PCDHGB6: variants seen among roughly 807,000 people sequenced by gnomAD.
PCDHGB6 encodes the protein protocadherin gamma subfamily B, 6.
PCDHGB6 carries 51 observed loss-of-function variants against 59.1 expected under a neutral mutation model. The ratio of observed to expected loss-of-function variants is 0.86; its 90% CI spans 0.69 to 1.09. The LOEUF is 1.09. PCDHGB6 is among the 50% of genes least tolerant of loss of function. The pLI is 0.00. For missense variants in PCDHGB6, 1,148 were observed against 1,205.1 expected (o/e 0.95, Z 0.70); for synonymous variants, 466 against 495.1 (o/e 0.94, Z 0.78).
At chr5:141,495,896 CTCTG>C (rs1175207502) in intron 2 of PCDHGB6, among the ~76,000 whole-genome samples, 2 of 152,108 alleles carry the variant, frequency 1.3e-5, no homozygotes, top group Non-Finnish European at 2.9e-5. Flanking sequence ...CTCTCTTTGT[CTCTG>C]TCTCTGTATA....
intron 1 of PCDHGB6, among the ~76,000 whole-genome samples, chr5:141,462,877 T>G (rs1387501705): frequency 1.3e-5 from 2 of 152,240 alleles, no homozygotes; most frequent in African/African-American, 4.8e-5. Flanking sequence ...CTTTAAGAAC[T>G]ATTGCAGTTT....
chr5:141,490,476 G>A lies in PCDHGB6; in HGVS notation c.2419-4331G>A. 1 of 1,614,208 alleles carries A rather than the reference G, an allele frequency of 6.2e-7. No homozygotes were observed. The highest frequency in any genetic ancestry group is 8.5e-7 in the Non-Finnish European group (1 of 1,180,046). On this transcript the variant is annotated intron_variant, in intron 1 of 3. Transcript: ENST00000520790. The surrounding 1 kb of genome is among the most constrained non-coding windows in gnomAD (Gnocchi z 5.4). ...ACTCGCTGCTAACCAGCCAGCCTTT[G>A]GACCGGGAGGCCACATCCCACTATA...
At chr5:141,427,584 A>G in intron 1 of PCDHGB6, 1 of 674,672 alleles carries the variant, frequency 1.5e-6, no homozygotes, top group Non-Finnish European at 2.7e-6. Context: ...CTCATCCAGC[A>G]CAAGCCTCAC....
At chr5:141,463,581 T>TG (rs2099064477) in intron 1 of PCDHGB6, among the ~76,000 whole-genome samples, 1 of 151,502 alleles carries the variant, frequency 6.6e-6, no homozygotes, top group Non-Finnish European at 1.5e-5. Context: ...CCCGAGTAGC[T>TG]GGGACTACAG....
intron 1 of PCDHGB6, among the ~76,000 whole-genome samples, chr5:141,438,637 C>G (rs11958903): frequency 3.2e-5 from 1 of 30,940 alleles, no homozygotes. Context: ...TATATATATA[C>G]ACACACACAC....
Position 141,463,438 on chromosome 5 carries a change from CTTTTTTTTT to C in PCDHGB6, c.2419-31349_2419-31341del, listed in dbSNP as rs71576115. 5.5e-3 allele frequency among the ~76,000 whole-genome samples: 572 copies of C among 103,208 alleles called. 4 individuals carry two copies. The highest frequency in any genetic ancestry group is 8.7e-3 in the Non-Finnish European group (462 of 53,292). The allele number at this position is 103,208 out of a possible 152,430, so 67.7% of individuals were successfully genotyped here. On this transcript the variant is annotated intron_variant, in intron 1 of 3. Transcript: ENST00000520790. ...GTTTGCGGATCCTCATTTCCTTCTC[CTTTTTTTTT>C]TTTTTTTTTTTTTTTTTTTGAGATG...
chr5:141,419,334 T>C (rs1260087339), intron 1 of PCDHGB6: 3 of 1,613,870 alleles, frequency 1.9e-6, no homozygotes, highest in Non-Finnish European at 8.5e-7. Flanking sequence ...TACTCTCTCA[T>C]TGCCAGCGAC....
chr5:141,472,164 G>C (rs2099273083), intron 1 of PCDHGB6, among the ~76,000 whole-genome samples: 1 of 152,158 alleles, frequency 6.6e-6, no homozygotes, highest in Non-Finnish European at 1.5e-5. Flanking sequence ...TAGCTACTAG[G>C]TGTAATATCC....
chr5:141,487,314 A>G lies in PCDHGB6; in HGVS notation c.2419-7493A>G. ...GGCTCATTCGTGGCACTACTCTCTAAGTGTCTTCGTGGGGCAGCCTGTGGA... is the reference window on the plus strand; with the variant it reads ...GGCTCATTCGTGGCACTACTCTCTAGGTGTCTTCGTGGGGCAGCCTGTGGA... On this transcript the variant is annotated intron_variant, in intron 1 of 3. Transcript: ENST00000520790. The surrounding 1 kb of genome is among the most constrained non-coding windows in gnomAD (Gnocchi z 5.0). The G allele has an allele frequency of 6.2e-7, 1 of 1,614,002 alleles. No individual in the cohort carries two copies. Among genetic ancestry groups the G allele is most frequent in the African/African-American group, 1.3e-5 (1 of 74,994 alleles).
At position 141,448,827 on chromosome 5, in the gene PCDHGB6, C is replaced by T. The variant is rs540550537; in HGVS notation, c.2418+38207C>T. ...AGGCGTGATGGCGGGCGCCTGTAGT[C>T]CCAGCTACTCTGGAGGCTGAGGCAG... On this transcript the variant is annotated intron_variant, in intron 1 of 3. Transcript: ENST00000520790. Among the ~76,000 whole-genome samples the T allele has an allele frequency of 1.6e-4, 25 of 152,108 alleles. No homozygotes were observed. In the South Asian group the frequency reaches 4.2e-3, roughly 25 times the overall value.
chr5:141,455,149 TTA>T (rs537241375), intron 1 of PCDHGB6, among the ~76,000 whole-genome samples: 1 of 148,248 alleles, frequency 6.7e-6, no homozygotes, highest in Non-Finnish European at 1.5e-5. Context: ...TAAATAAATA[TTA>T]GTTTGTTGGT....
chr5:141,422,546 G>T, intron 1 of PCDHGB6: 2 of 1,613,972 alleles, frequency 1.2e-6, no homozygotes, highest in South Asian at 2.2e-5. Flanking sequence ...ACTCATGTCT[G>T]GCTGAATGTG....
At chr5:141,500,026 T>G (rs1297397353) in intron 2 of PCDHGB6, among the ~76,000 whole-genome samples, 1 of 151,974 alleles carries the variant, frequency 6.6e-6, no homozygotes, top group Non-Finnish European at 1.5e-5. Flanking sequence ...TATATTTGAG[T>G]GAGTGTCTCT....
intron 1 of PCDHGB6, chr5:141,419,113 C>A: frequency 6.2e-7 from 1 of 1,613,872 alleles, no homozygotes; most frequent in Non-Finnish European, 8.5e-7. Flanking sequence ...CCCCAGAGTA[C>A]AACGTCACCA....
chr5:141,424,408 T>G (rs942542788), intron 1 of PCDHGB6: 1 of 152,224 alleles, frequency 6.6e-6, no homozygotes, highest in Non-Finnish European at 1.5e-5. Flanking sequence ...TATGGTGAAG[T>G]TACATTGACT....
In PCDHGB6 at chr5:141,438,090, A is replaced by G. The variant is rs560861677; in HGVS notation, c.2418+27470A>G. 1.2e-4 allele frequency among the ~76,000 whole-genome samples: 18 copies of G among 152,310 alleles called. No individual in the cohort carries two copies. In the South Asian group the frequency reaches 3.5e-3, roughly 30 times the overall value. ...CATACTTAATGGAAAATTACCAGTA[A>G]CAGGGCATACTGTTTAGGATGCATT... On this transcript the variant is annotated intron_variant, in intron 1 of 3. Coordinates refer to ENST00000520790, the MANE Select transcript of PCDHGB6 (RefSeq NM_018926.3).
At chr5:141,460,596 C>G (rs930441447) in intron 1 of PCDHGB6, among the ~76,000 whole-genome samples, 2 of 151,986 alleles carry the variant, frequency 1.3e-5, no homozygotes, top group Non-Finnish European at 2.9e-5. Flanking sequence ...TTTCTGGGCT[C>G]TCTGTGTTAG....
chr5:141,422,699 C>G (rs765368737), intron 1 of PCDHGB6: 2 of 1,603,420 alleles, frequency 1.2e-6, no homozygotes, highest in South Asian at 1.1e-5. Context: ...GTCACTTACT[C>G]TCTGACGGAT....
rs992592523 is a variant in PCDHGB6 at position 141,432,710 on chromosome 5, C to T, written c.2418+22090C>T. ...CGTAGTGGCCGTCCAGGACCACGGC[C>T]AGCCCCCTCTCTCCGCCACTGTCAC... On this transcript the variant is annotated intron_variant, in intron 1 of 3. Coordinates refer to ENST00000520790, the MANE Select transcript of PCDHGB6 (RefSeq NM_018926.3). This position sits in a 1 kb window ranked among gnomAD's most constrained non-coding sequence, Gnocchi z 6.0. The T allele has an allele frequency of 6.2e-7, 1 of 1,613,884 alleles. No homozygotes were observed.
Sources: gnomAD v4.1 joint callset for allele counts (sites outside exome capture counted in the v4.1 genomes callset) on GRCh38, gnomAD v4.1.1 for gene constraint, Gnocchi (gnomAD v3.1) non-coding constraint, MANE v1.5 for transcripts, NCBI Gene and HGNC (gene_info 2026-07-23, HGNC 2026-07-21) for gene names.